CBFA2T3: variants seen among roughly 807,000 people sequenced by gnomAD.
CBFA2T3 encodes the protein transcriptional corepressor CBFA2T3.
A neutral mutation model predicts 58.6 loss-of-function variants in CBFA2T3; 31 were observed. The observed-to-expected ratio is 0.53, with a 90% CI of 0.40 to 0.71. The LOEUF is 0.71. Ranked by LOEUF, CBFA2T3 falls within the 30% of genes least tolerant of loss-of-function variation. The probability of loss-of-function intolerance (pLI) is 0.00; values close to 1 mark genes in which losing one functional copy is unlikely to be tolerated. For missense variants in CBFA2T3, 1,076 were observed against 963.1 expected, an observed-to-expected ratio of 1.12 and a Z score of -1.55; for synonymous variants, 531 against 421.9, an observed-to-expected ratio of 1.26 and a Z score of -3.17.
chr16:88,921,602 G>A (rs974636383), intron 1 of CBFA2T3, among the ~76,000 whole-genome samples: 7 of 150,804 alleles, frequency 4.6e-5, no homozygotes, highest in Non-Finnish European at 1.0e-4. Context: ...TGCTGGGGGA[G>A]GGAGGGGGGG....
At chr16:88,929,998 C>T (rs910265423) in intron 1 of CBFA2T3, among the ~76,000 whole-genome samples, 1 of 147,290 alleles carries the variant, frequency 6.8e-6, no homozygotes, top group Non-Finnish European at 1.5e-5. Flanking sequence ...CACGCAAAAG[C>T]TACCAATACC....
intron 1 of CBFA2T3, among the ~76,000 whole-genome samples, chr16:88,910,577 C>G (rs969963875): frequency 6.6e-6 from 1 of 152,194 alleles, no homozygotes; most frequent in Non-Finnish European, 1.5e-5. Flanking sequence ...CAGGCAGTGC[C>G]CTCCCACCTC....
At chr16:88,903,496 T>C (rs1027086154) in intron 1 of CBFA2T3, among the ~76,000 whole-genome samples, 1 of 152,078 alleles carries the variant, frequency 6.6e-6, no homozygotes, top group Non-Finnish European at 1.5e-5. Context: ...GCCCTGCTCC[T>C]CCTGGCCACC....
At chr16:88,976,599 C>G (rs1187340136) in intron 1 of CBFA2T3, 58 bp downstream of exon 1, 1 of 1,353,098 alleles carries the variant, frequency 7.4e-7, no homozygotes, top group African/African-American at 1.4e-5. Context: ...AGTCACAGCC[C>G]CGGCACCGGC....
intron 1 of CBFA2T3, among the ~76,000 whole-genome samples, chr16:88,951,750 G>C (rs900267488): frequency 1.3e-5 from 2 of 152,224 alleles, no homozygotes; most frequent in African/African-American, 4.8e-5. Flanking sequence ...GGGAGTTTTT[G>C]AACTGGAACA....
intron 1 of CBFA2T3, among the ~76,000 whole-genome samples, chr16:88,968,648 C>T (rs961824346): frequency 6.6e-6 from 1 of 152,236 alleles, no homozygotes; most frequent in Non-Finnish European, 1.5e-5. Context: ...GCTGTCCGTC[C>T]CCCGCCTGTC....
intron 5 of CBFA2T3, 160 bp from the exon 6 acceptor site, chr16:88,886,302 A>C: frequency 7.1e-6 from 3 of 419,616 alleles, no homozygotes; most frequent in Non-Finnish European, 1.3e-5. Flanking sequence ...GTTCCTTCCT[A>C]GCAGTGCCAT....
chr16:88,947,174 C>T (rs922265979), intron 1 of CBFA2T3, among the ~76,000 whole-genome samples: 1 of 152,244 alleles, frequency 6.6e-6, no homozygotes, highest in East Asian at 1.9e-4. Context: ...AGGGACCCCC[C>T]ACTAGGGAAC....
At chr16:88,934,133 C>G (rs906050861) in intron 1 of CBFA2T3, among the ~76,000 whole-genome samples, 1 of 149,510 alleles carries the variant, frequency 6.7e-6, no homozygotes, top group African/African-American at 2.6e-5. Context: ...GCCGAAGCTC[C>G]CTTGGGAGAG....
intron 1 of CBFA2T3, among the ~76,000 whole-genome samples, chr16:88,940,849 G>A (rs977814852): frequency 1.5e-4 from 23 of 152,308 alleles, no homozygotes; most frequent in Admixed American, 8.5e-4. Flanking sequence ...GGGGGGCTGC[G>A]CTCAGCCCGG....
At chr16:88,878,682 G>A (rs967112362) in intron 11 of CBFA2T3, among the ~76,000 whole-genome samples, 3 of 152,180 alleles carry the variant, frequency 2.0e-5, no homozygotes, top group African/African-American at 4.8e-5. Context: ...ACAGCGGCTC[G>A]CTTCTGTCAT....
Position 88,976,864 on chromosome 16 carries a change from T to G in CBFA2T3, c.-57A>C. Reference sequence around the variant, plus strand: ...GCCCAGGACAGGCCTCTACCAGGACTGCCTTTCCCGACCTCCTGCAGCCTT... The same window carrying G: ...GCCCAGGACAGGCCTCTACCAGGACGGCCTTTCCCGACCTCCTGCAGCCTT... On this transcript the variant is annotated 5_prime_UTR_variant, in exon 1 of 12. Transcript: ENST00000268679. The G allele has an allele frequency of 6.6e-7, 1 of 1,503,814 alleles. No individual in the cohort carries two copies. Among genetic ancestry groups the G allele is most frequent in the Non-Finnish European group, 9.0e-7 (1 of 1,115,064 alleles). The allele number at this position is 1,503,814 out of a possible 1,614,324, so 93.2% of individuals were successfully genotyped here. A position where few individuals can be genotyped will look rare whatever the true frequency, so the allele number is the denominator to read the frequency against.
intron 1 of CBFA2T3, among the ~76,000 whole-genome samples, chr16:88,918,929 G>A (rs1970826300): frequency 6.6e-6 from 1 of 152,256 alleles, no homozygotes; most frequent in African/African-American, 2.4e-5. Context: ...GGAATAAACA[G>A]TAACTTCTCT....
At chr16:88,961,607 C>T (rs911258222) in intron 1 of CBFA2T3, among the ~76,000 whole-genome samples, 2 of 119,670 alleles carry the variant, frequency 1.7e-5, no homozygotes, top group Non-Finnish European at 1.8e-5. Context: ...CCATAGTAAC[C>T]GACACTCAGC....
At chr16:88,974,025 C>A (rs546320379) in intron 1 of CBFA2T3, among the ~76,000 whole-genome samples, 3 of 152,216 alleles carry the variant, frequency 2.0e-5, no homozygotes, top group Non-Finnish European at 4.4e-5. Flanking sequence ...ACCAGGCAGG[C>A]CTGACTCAGT....
chr16:88,896,249 T>C (rs1969882669), intron 3 of CBFA2T3, among the ~76,000 whole-genome samples: 1 of 152,134 alleles, frequency 6.6e-6, no homozygotes, highest in African/African-American at 2.4e-5. Context: ...TTGAGACATC[T>C]CTGTTGCTGG....
intron 3 of CBFA2T3, among the ~76,000 whole-genome samples, chr16:88,893,626 G>A (rs1014472402): frequency 5.9e-5 from 9 of 152,232 alleles, no homozygotes; most frequent in Admixed American, 2.0e-4. Context: ...GGACAAGCAG[G>A]TGACATAAGG....
At chr16:88,909,690 C>T (rs1871004356) in intron 1 of CBFA2T3, among the ~76,000 whole-genome samples, 1 of 152,224 alleles carries the variant, frequency 6.6e-6, no homozygotes, top group Admixed American at 6.5e-5. Flanking sequence ...AGAGGAGACC[C>T]CGAGAGTCAT....
intron 1 of CBFA2T3, among the ~76,000 whole-genome samples, chr16:88,909,496 G>A (rs1970453849): frequency 6.6e-6 from 1 of 151,992 alleles, no homozygotes; most frequent in Non-Finnish European, 1.5e-5. Context: ...GACGGCAGCT[G>A]GGACGGAGGA....
Sources: gnomAD v4.1 joint callset for allele counts (sites outside exome capture counted in the v4.1 genomes callset) on GRCh38, gnomAD v4.1.1 for gene constraint, MANE v1.5 for transcripts, NCBI Gene and HGNC (gene_info 2026-07-23, HGNC 2026-07-21) for gene names.